Variants in ACOT13 observed in about 807,000 individuals in gnomAD.
The protein encoded by ACOT13 is acyl-coenzyme A thioesterase 13.
ACOT13 carries 10 observed loss-of-function variants against 11.8 expected under a neutral mutation model. The observed-to-expected ratio is 0.85, with a 90% CI of 0.53 to 1.44. The LOEUF (loss-of-function observed/expected upper bound fraction) is 1.44. Among genes scored for constraint, ACOT13 ranks in the 40% most tolerant of loss-of-function variants. ACOT13 has a pLI of 0.00. For missense variants in ACOT13, 172 were observed against 174.1 expected, an observed-to-expected ratio of 0.99 and a Z score of 0.07; for synonymous variants, 53 against 61.0, an observed-to-expected ratio of 0.87 and a Z score of 0.61.
intron 1 of ACOT13, among the ~76,000 whole-genome samples, chr6:24,678,022 T>C (rs979425444): frequency 1.3e-5 from 2 of 152,178 alleles, no homozygotes; most frequent in South Asian, 4.1e-4. Context: ...AGGTTTCTGA[T>C]CGGGTGGCTA....
chr6:24,674,387 C>A (rs1778410457), intron 1 of ACOT13, among the ~76,000 whole-genome samples: 1 of 148,532 alleles, frequency 6.7e-6, no homozygotes. Flanking sequence ...AAAACTTGTT[C>A]ACCGTTTTTG....
At chr6:24,699,170 ATT>A (rs1562163349) in intron 2 of ACOT13, among the ~76,000 whole-genome samples, 1 of 150,554 alleles carries the variant, frequency 6.6e-6, no homozygotes, top group Non-Finnish European at 1.5e-5. Flanking sequence ...TGAGAGAGCC[ATT>A]GTGAGTAGAT....
At chr6:24,687,476 G>A in intron 1 of ACOT13, 2 of 1,344,792 alleles carry the variant, frequency 1.5e-6, no homozygotes. Context: ...AATACCATGT[G>A]GACTCCAACA....
chr6:24,681,587 TC>T (rs1750510048), intron 1 of ACOT13, among the ~76,000 whole-genome samples: 2 of 152,048 alleles, frequency 1.3e-5, no homozygotes, highest in African/African-American at 4.8e-5. Context: ...CGTCTCTCTC[TC>T]TCTCAGCCAT....
intron 1 of ACOT13, among the ~76,000 whole-genome samples, chr6:24,686,483 C>A (rs898174055): frequency 3.3e-5 from 5 of 152,104 alleles, no homozygotes; most frequent in Non-Finnish European, 5.9e-5. Context: ...TGTCTGAAAG[C>A]AAAGTGCAAG....
chr6:24,674,353 G>A (rs1016852797), intron 1 of ACOT13, among the ~76,000 whole-genome samples: 1 of 151,940 alleles, frequency 6.6e-6, no homozygotes, highest in Admixed American at 6.6e-5. Flanking sequence ...GCTGCCCCTG[G>A]CCTAAATAAG....
intron 1 of ACOT13, among the ~76,000 whole-genome samples, chr6:24,680,899 T>C (rs933546725): frequency 6.6e-6 from 1 of 152,230 alleles, no homozygotes; most frequent in Admixed American, 6.5e-5. Flanking sequence ...AGACCAATTA[T>C]TAGGCAATTT....
At chr6:24,693,365 A>T (rs1215827535) in intron 1 of ACOT13, among the ~76,000 whole-genome samples, 3 of 152,126 alleles carry the variant, frequency 2.0e-5, no homozygotes, top group Non-Finnish European at 4.4e-5. Flanking sequence ...ACATTCCTTT[A>T]TCTGTTTAGC....
At chr6:24,668,037 T>C (rs368366841) in intron 1 of ACOT13, among the ~76,000 whole-genome samples, 1 of 151,864 alleles carries the variant, frequency 6.6e-6, no homozygotes, top group South Asian at 2.1e-4. Context: ...GCCTCCCGAG[T>C]GGCTGGGATT....
At position 24,701,800 on chromosome 6, in the gene ACOT13, G is replaced by C. The variant is rs577754142; in HGVS notation, c.*185G>C. ...TGTCTTTTTTCACTTTAAGCATCTT[G>C]TTTTCTAATCATGTGTGATAATTGG... On this transcript the variant is annotated 3_prime_UTR_variant, in exon 3 of 3. Transcript: ENST00000230048. 57 of 517,042 alleles carry C rather than the reference G, an allele frequency of 1.1e-4. 1 individual carries two copies. The highest frequency in any genetic ancestry group is 1.0e-3 in the African/African-American group (52 of 51,356). The allele number at this position is 517,042 out of a possible 1,614,324, so 32.0% of individuals were successfully genotyped here. A position where few individuals can be genotyped will look rare whatever the true frequency, so the allele number is the denominator to read the frequency against.
intron 2 of ACOT13, among the ~76,000 whole-genome samples, chr6:24,698,863 C>T (rs917031893): frequency 1.3e-5 from 2 of 152,078 alleles, no homozygotes; most frequent in Non-Finnish European, 1.5e-5. Context: ...GTCTTGAACT[C>T]CTGACCTCCA....
intron 1 of ACOT13, among the ~76,000 whole-genome samples, chr6:24,673,030 G>T (rs1562155087): frequency 6.6e-6 from 1 of 152,090 alleles, no homozygotes; most frequent in African/African-American, 2.4e-5. Flanking sequence ...TTAGACCCAG[G>T]AGTCAAAGCC....
intron 1 of ACOT13, among the ~76,000 whole-genome samples, chr6:24,678,169 C>T (rs1176581049): frequency 5.9e-5 from 9 of 152,186 alleles, no homozygotes; most frequent in Non-Finnish European, 1.0e-4. Flanking sequence ...TGAGTTGAGA[C>T]ATTGGGTTCA....
intron 1 of ACOT13, among the ~76,000 whole-genome samples, chr6:24,685,332 C>CTTTTTTTTTTTTTTTTTT (rs563020332): frequency 2.1e-4 from 24 of 116,782 alleles, no homozygotes; most frequent in East Asian, 4.8e-4. Context: ...TTTTACTGTA[C>CTTTTTTTTTTTTTTTTTT]TTTTTTTTTT....
chr6:24,699,456 C>T (rs954623074), intron 2 of ACOT13, among the ~76,000 whole-genome samples: 5 of 152,166 alleles, frequency 3.3e-5, no homozygotes, highest in Non-Finnish European at 5.9e-5. Flanking sequence ...GTGATCTGCC[C>T]GCCTTGGCCT....
intron 1 of ACOT13, among the ~76,000 whole-genome samples, chr6:24,669,907 C>A (rs1778330912): frequency 6.6e-6 from 1 of 151,720 alleles, no homozygotes; most frequent in African/African-American, 2.4e-5. Context: ...GTTTGCAGGG[C>A]TTTACAAAAG....
chr6:24,668,102 T>G lies in ACOT13; in HGVS notation c.81+758T>G, dbSNP rs182741759. 9.7e-4 allele frequency among the ~76,000 whole-genome samples: 147 copies of G among 151,474 alleles called. 6 individuals carry two copies. Among genetic ancestry groups the G allele is most frequent in the Admixed American group, 9.6e-3 (146 of 15,260 alleles). ...ATTGTACTTTTAGTAGAGACAGGGT[T>G]TCTCCATGTTGGTCAGGCTGCTCTC... On this transcript the variant is annotated intron_variant, in intron 1 of 2. Transcript: ENST00000230048.
chr6:24,689,127 C>A (rs914796559), intron 1 of ACOT13, among the ~76,000 whole-genome samples: 2 of 151,894 alleles, frequency 1.3e-5, no homozygotes, highest in Non-Finnish European at 2.9e-5. Context: ...CCACTGCACT[C>A]CAGCCTGGGC....
At chr6:24,671,465 G>C (rs567158139) in intron 1 of ACOT13, among the ~76,000 whole-genome samples, 1 of 152,026 alleles carries the variant, frequency 6.6e-6, no homozygotes, top group South Asian at 2.1e-4. Context: ...CCTGTCGTGG[G>C]GTGGGGGGAT....
Sources: gnomAD v4.1 joint callset for allele counts (sites outside exome capture counted in the v4.1 genomes callset) on GRCh38, gnomAD v4.1.1 for gene constraint, MANE v1.5 for transcripts, NCBI Gene and HGNC (gene_info 2026-07-23, HGNC 2026-07-21) for gene names.